Variants in ZNF385D observed in about 807,000 individuals in gnomAD.
ZNF385D encodes the protein zinc finger protein 659.
Under a neutral mutation model 35.8 loss-of-function variants are expected in ZNF385D, and 15 were observed. The observed-to-expected ratio is 0.42, with a 90% confidence interval of 0.28 to 0.64. ZNF385D has a LOEUF of 0.64. Ranked by LOEUF, ZNF385D falls within the 30% of genes least tolerant of loss-of-function variation. The probability of loss-of-function intolerance (pLI) is 0.23; values close to 1 mark genes in which losing one functional copy is unlikely to be tolerated. For missense variants in ZNF385D, 474 were observed against 494.6 expected, an observed-to-expected ratio of 0.96 and a Z score of 0.39; for synonymous variants, 212 against 186.8, an observed-to-expected ratio of 1.13 and a Z score of -1.10.
intron 3 of ZNF385D, among the ~76,000 whole-genome samples, chr3:21,815,818 T>G (rs2073122558): frequency 6.6e-6 from 1 of 152,174 alleles, no homozygotes; most frequent in South Asian, 2.1e-4. Context: ...AAATCCTCCC[T>G]AACTCATTTT....
chr3:21,908,156 AT>A (rs1559743485), intron 3 of ZNF385D, among the ~76,000 whole-genome samples: 4 of 149,748 alleles, frequency 2.7e-5, no homozygotes, highest in African/African-American at 7.5e-5. Context: ...CTATCTATCT[AT>A]CTATCTATCT....
At chr3:21,582,589 G>A (rs960026537) in intron 2 of ZNF385D, among the ~76,000 whole-genome samples, 7 of 152,062 alleles carry the variant, frequency 4.6e-5, no homozygotes, top group Admixed American at 4.6e-4. Context: ...TCAGCAAGAC[G>A]TTCTCAGTTG....
chr3:21,566,834 T>C (rs2063165277), intron 2 of ZNF385D, among the ~76,000 whole-genome samples: 1 of 152,180 alleles, frequency 6.6e-6, no homozygotes, highest in South Asian at 2.1e-4. Flanking sequence ...CTTACCCCTC[T>C]GTGGTCATTC....
chr3:22,144,695 C>A (rs968088027), intron 3 of ZNF385D, among the ~76,000 whole-genome samples: 2 of 150,696 alleles, frequency 1.3e-5, no homozygotes, highest in African/African-American at 4.9e-5. Context: ...TAGTGATCAG[C>A]AGTATTCAAA....
At chr3:21,976,382 A>G (rs972287177) in intron 3 of ZNF385D, among the ~76,000 whole-genome samples, 2 of 152,224 alleles carry the variant, frequency 1.3e-5, no homozygotes, top group African/African-American at 4.8e-5. Flanking sequence ...TAAATAAATG[A>G]CCAAGTGGAG....
chr3:21,455,020 A>C (rs1441201250), intron 4 of ZNF385D, among the ~76,000 whole-genome samples: 4 of 152,254 alleles, frequency 2.6e-5, no homozygotes, highest in Admixed American at 1.3e-4. Context: ...CAGGAATCCA[A>C]CTTACAAGGG....
At chr3:22,123,948 CTCTCTCTCTCTCTCTATATATA>C (rs1029120921) in intron 3 of ZNF385D, among the ~76,000 whole-genome samples, 3 of 102,130 alleles carry the variant, frequency 2.9e-5, no homozygotes, top group Admixed American at 1.1e-4. Context: ...CTCTCTCTCT[CTCTCTCTCTCTCTCTATATATA>C]TATATATATA....
intron 3 of ZNF385D, among the ~76,000 whole-genome samples, chr3:21,561,080 G>A (rs547326469): frequency 2.2e-4 from 34 of 152,318 alleles, no homozygotes; most frequent in African/African-American, 4.8e-4. Context: ...AGCCTGCTGG[G>A]CTCTGAGGGG....
At chr3:21,459,950 G>T (rs1328459545) in intron 4 of ZNF385D, among the ~76,000 whole-genome samples, 1 of 152,106 alleles carries the variant, frequency 6.6e-6, no homozygotes. Context: ...AACCTCCCAT[G>T]TTGTCGCTTT....
At chr3:21,613,536 C>T (rs2064752034) in intron 2 of ZNF385D, among the ~76,000 whole-genome samples, 1 of 152,184 alleles carries the variant, frequency 6.6e-6, no homozygotes, top group Non-Finnish European at 1.5e-5. Context: ...CTGTGGGTTA[C>T]TGACAGCATA....
intron 2 of ZNF385D, among the ~76,000 whole-genome samples, chr3:22,254,916 C>T (rs142011771): frequency 1.3e-5 from 2 of 151,782 alleles, no homozygotes; most frequent in African/African-American, 4.8e-5. Flanking sequence ...AATTGACTAA[C>T]ATGGGGGTAG....
intron 3 of ZNF385D, among the ~76,000 whole-genome samples, chr3:21,762,273 T>C (rs1395069539): frequency 6.6e-6 from 1 of 152,292 alleles, no homozygotes; most frequent in South Asian, 2.1e-4. Flanking sequence ...TTTCCACTAC[T>C]ATCTCTATCC....
At chr3:21,678,114 G>A (rs1406851227) in intron 1 of ZNF385D, among the ~76,000 whole-genome samples, 2 of 151,976 alleles carry the variant, frequency 1.3e-5, no homozygotes, top group South Asian at 2.1e-4. Flanking sequence ...CAACATTAGG[G>A]CATCCAAACC....
intron 2 of ZNF385D, among the ~76,000 whole-genome samples, chr3:21,565,284 G>T (rs1487424923): frequency 6.6e-6 from 1 of 152,006 alleles, no homozygotes; most frequent in Non-Finnish European, 1.5e-5. Context: ...GGTGCCAAGG[G>T]ATTTGGGGCC....
chr3:21,989,213 G>A (rs533292098), intron 3 of ZNF385D, among the ~76,000 whole-genome samples: 1 of 152,272 alleles, frequency 6.6e-6, no homozygotes, highest in African/African-American at 2.4e-5. Flanking sequence ...AATAGTTTCT[G>A]TAGGAATGGT....
intron 3 of ZNF385D, among the ~76,000 whole-genome samples, chr3:21,818,105 A>C (rs2125725224): frequency 1.3e-5 from 2 of 151,116 alleles, no homozygotes; most frequent in African/African-American, 4.9e-5. Flanking sequence ...GCATGTTCTC[A>C]CTCATAGGTG....
At chr3:21,689,565 A>G (rs1305829860) in intron 1 of ZNF385D, among the ~76,000 whole-genome samples, 1 of 152,204 alleles carries the variant, frequency 6.6e-6, no homozygotes, top group East Asian at 1.9e-4. Flanking sequence ...TTTAGATTTC[A>G]TATGCATTTA....
intron 4 of ZNF385D, among the ~76,000 whole-genome samples, chr3:21,444,610 T>A (rs1702048568): frequency 6.6e-6 from 1 of 151,788 alleles, no homozygotes; most frequent in African/African-American, 2.4e-5. Context: ...TGGTCTTGAA[T>A]GCTTGACCTC....
intron 2 of ZNF385D, among the ~76,000 whole-genome samples, chr3:21,642,195 A>T (rs1162716409): frequency 6.6e-6 from 1 of 152,094 alleles, no homozygotes; most frequent in Non-Finnish European, 1.5e-5. Flanking sequence ...CTATATGTAA[A>T]TCAGACACTG....
Sources: allele counts gnomAD v4.1 joint callset (sites outside exome capture counted in the v4.1 genomes callset), GRCh38; gene constraint gnomAD v4.1.1; transcripts MANE v1.5; gene names NCBI Gene and HGNC (gene_info 2026-07-23, HGNC 2026-07-21).